Variants in MPZL3 observed in about 807,000 individuals in gnomAD.
The protein encoded by MPZL3 is myelin protein zero-like protein 3.
Under a neutral mutation model 24.8 loss-of-function variants are expected in MPZL3, and 23 were observed. That is an observed-to-expected ratio of 0.93 (90% CI 0.67 to 1.31). The LOEUF (loss-of-function observed/expected upper bound fraction) is 1.31, where lower values mean the gene tolerates loss of function less well. Ranked by LOEUF, MPZL3 falls within the 40% of genes most tolerant of loss-of-function variation. The probability of loss-of-function intolerance (pLI) is 0.00; values close to 1 mark genes in which losing one functional copy is unlikely to be tolerated. For missense variants in MPZL3, 277 were observed against 294.9 expected (o/e 0.94, Z 0.44); for synonymous variants, 99 against 106.5 (o/e 0.93, Z 0.44).
chr11:118,238,310 T>C (rs1235155592), intron 2 of MPZL3, among the ~76,000 whole-genome samples: 1 of 152,170 alleles, frequency 6.6e-6, no homozygotes, highest in Admixed American at 6.5e-5. Context: ...TCTTGACAAT[T>C]AATATAATCC....
rs774130342 is a variant in MPZL3 at position 118,230,799 on chromosome 11, TA to T, written c.682-880del. Among the ~76,000 whole-genome samples the T allele has an allele frequency of 2.6e-5, 4 of 152,274 alleles. No homozygotes were observed. In the South Asian group the frequency reaches 8.3e-4, roughly 32 times the overall value. ...CTGGATCCATCTATTTGGCCTTCCCTATTGTTCTTATACACTCTCCCTGTCT... is the reference window on the plus strand; with the variant it reads ...CTGGATCCATCTATTTGGCCTTCCCTTTGTTCTTATACACTCTCCCTGTCT... On this transcript the variant is annotated intron_variant, in intron 5 of 5. Coordinates refer to ENST00000278949, the MANE Select transcript of MPZL3 (RefSeq NM_198275.3).
At chr11:118,243,309 C>A (rs761646432) in intron 1 of MPZL3, among the ~76,000 whole-genome samples, 1 of 152,182 alleles carries the variant, frequency 6.6e-6, no homozygotes, top group Non-Finnish European at 1.5e-5. Flanking sequence ...TTACCTCTTA[C>A]ATCGTCATGA....
At chr11:118,243,338 C>T (rs12284849) in intron 1 of MPZL3, among the ~76,000 whole-genome samples, 1,749 of 152,250 alleles carry the variant, frequency 0.011, 31 homozygotes, top group African/African-American at 0.04. Flanking sequence ...GCCATATAAA[C>T]GGCCCAGGCA....
chr11:118,244,227 T>A (rs1265683417), intron 1 of MPZL3, among the ~76,000 whole-genome samples: 1 of 152,242 alleles, frequency 6.6e-6, no homozygotes, highest in Non-Finnish European at 1.5e-5. Context: ...CTTGAGCATC[T>A]CTTTTGTGCC....
chr11:118,238,167 AAAC>A (rs1949449969), intron 2 of MPZL3, among the ~76,000 whole-genome samples: 1 of 152,156 alleles, frequency 6.6e-6, no homozygotes, highest in Admixed American at 6.5e-5. Flanking sequence ...GAAAGAAAGA[AAAC>A]AAAGCCAAAC....
rs1342665750 is a variant in MPZL3 at position 118,228,279 on chromosome 11, C to T, written c.*1615G>A. On this transcript the variant is annotated 3_prime_UTR_variant, in exon 6 of 6. Transcript: ENST00000278949. ...GAGAGAAAAGTGATTTTTAAACTAA[C>T]ATATACAGTCTGAAGCGCTGTAATA... 6.6e-6 allele frequency: 1 copy of T among 151,858 alleles called. No homozygotes were observed. Among genetic ancestry groups the T allele is most frequent in the Non-Finnish European group, 1.5e-5 (1 of 67,980 alleles). The allele number at this position is 151,858 out of a possible 1,614,324, so 9.4% of individuals were successfully genotyped here.
At chr11:118,238,758 G>C (rs1949456282) in intron 2 of MPZL3, among the ~76,000 whole-genome samples, 1 of 152,146 alleles carries the variant, frequency 6.6e-6, no homozygotes, top group South Asian at 2.1e-4. Context: ...AGCCACGCAG[G>C]CATAGTCCCT....
chr11:118,248,239 C>T (rs1254657342), intron 1 of MPZL3, among the ~76,000 whole-genome samples: 4 of 152,030 alleles, frequency 2.6e-5, no homozygotes, highest in Admixed American at 2.6e-4. Flanking sequence ...TGGTCTTGAA[C>T]TCCTGACCTC....
At chr11:118,239,773 C>T (rs1478854672) in intron 2 of MPZL3, among the ~76,000 whole-genome samples, 4 of 152,132 alleles carry the variant, frequency 2.6e-5, no homozygotes, top group Non-Finnish European at 5.9e-5. Flanking sequence ...CCACAAAGCG[C>T]AAATATGCAA....
At chr11:118,240,766 C>T (rs916171611) in intron 1 of MPZL3, among the ~76,000 whole-genome samples, 4 of 142,634 alleles carry the variant, frequency 2.8e-5, no homozygotes, top group Admixed American at 2.0e-4. Flanking sequence ...CACACACACA[C>T]ACACACACAC....
intron 4 of MPZL3, among the ~76,000 whole-genome samples, chr11:118,234,444 G>A (rs1411921187): frequency 2.0e-5 from 3 of 152,124 alleles, no homozygotes; most frequent in Non-Finnish European, 4.4e-5. Flanking sequence ...GAAGGAAAGA[G>A]GGCATTCCCA....
chr11:118,235,220 C>T (rs1447094499), intron 4 of MPZL3, among the ~76,000 whole-genome samples: 2 of 152,186 alleles, frequency 1.3e-5, no homozygotes, highest in Non-Finnish European at 2.9e-5. Flanking sequence ...ATATCAACTC[C>T]CCCATCTCTC....
chr11:118,238,888 A>G lies in MPZL3; in HGVS notation c.240+1323T>C, dbSNP rs992269069. On this transcript the variant is annotated intron_variant, in intron 2 of 5. Coordinates refer to ENST00000278949, the MANE Select transcript of MPZL3 (RefSeq NM_198275.3). ...CACTAATTATCAGCATCAGTGTAAA[A>G]GAGTTTGAAACTCCTTATTGACAAA... Among the ~76,000 whole-genome samples, 8 of 152,338 alleles carry G rather than the reference A, an allele frequency of 5.3e-5. 1 individual carries two copies. The South Asian group carries it at 1.7e-3, about 32-fold the overall frequency.
chr11:118,231,976 C>G (rs761555661), intron 5 of MPZL3, among the ~76,000 whole-genome samples: 1 of 152,212 alleles, frequency 6.6e-6, no homozygotes, highest in Non-Finnish European at 1.5e-5. Flanking sequence ...TAAGTTGATA[C>G]TGCTTCTCTT....
chr11:118,237,305 C>T (rs368879877), intron 2 of MPZL3, 45 bp from the exon 3 acceptor site: 3 of 1,554,246 alleles, frequency 1.9e-6, no homozygotes, highest in South Asian at 1.1e-5. Context: ...TTGGAAAATG[C>T]AATGAAAATA....
intron 1 of MPZL3, among the ~76,000 whole-genome samples, chr11:118,247,501 T>A (rs1342955030): frequency 6.6e-6 from 1 of 152,236 alleles, no homozygotes; most frequent in Middle Eastern, 3.2e-3. Context: ...TAATACTTAA[T>A]TGGCTTTTGA....
chr11:118,231,269 C>G (rs566885197), intron 5 of MPZL3, among the ~76,000 whole-genome samples: 4 of 152,346 alleles, frequency 2.6e-5, no homozygotes, highest in African/African-American at 9.6e-5. Context: ...TGATCACTCT[C>G]TTTTCCTAGA....
rs1555111004 is a variant in MPZL3 at position 118,234,740 on chromosome 11, CAT to C, written c.617+682_617+683del. ...TTAAATAAATGCACACACACACACA[CAT>C]ACACACACACACACAGAGAGAGATT... On this transcript the variant is annotated intron_variant, in intron 4 of 5. Transcript: ENST00000278949. Among the ~76,000 whole-genome samples, 8 of 151,352 alleles carry C rather than the reference CAT, an allele frequency of 5.3e-5. No individual in the cohort carries two copies. The South Asian group carries it at 1.1e-3, about 20-fold the overall frequency.
intron 1 of MPZL3, 78 bp downstream of exon 1, chr11:118,252,144 C>T (rs1263947336): frequency 5.4e-6 from 8 of 1,494,780 alleles, no homozygotes; most frequent in East Asian, 2.3e-5. Flanking sequence ...TGGAGACCCC[C>T]CTACCCGGAA....
Sources: allele counts gnomAD v4.1 joint callset (sites outside exome capture counted in the v4.1 genomes callset), GRCh38; gene constraint gnomAD v4.1.1; transcripts MANE v1.5; gene names NCBI Gene and HGNC (gene_info 2026-07-23, HGNC 2026-07-21).